ZNF595: variants seen among roughly 807,000 people sequenced by gnomAD.
ZNF595 encodes zinc finger protein 595.
In ZNF595, 9 loss-of-function variants were observed where a neutral mutation model predicts 19.4. The observed-to-expected ratio is 0.46, with a 90% CI of 0.28 to 0.81. The LOEUF (loss-of-function observed/expected upper bound fraction) is 0.81. Ranked by LOEUF, ZNF595 falls within the 30% of genes least tolerant of loss-of-function variation. The probability of loss-of-function intolerance (pLI) is 0.11; values close to 1 mark genes in which losing one functional copy is unlikely to be tolerated. For missense variants in ZNF595, 729 were observed against 736.0 expected, an observed-to-expected ratio of 0.99 and a Z score of 0.11; for synonymous variants, 255 against 255.9, an observed-to-expected ratio of 1.00 and a Z score of 0.03.
intron 3 of ZNF595, among the ~76,000 whole-genome samples, chr4:81,098 C>T (rs546655124): frequency 6.6e-6 from 1 of 152,074 alleles, no homozygotes; most frequent in Non-Finnish European, 1.5e-5. Flanking sequence ...TTTTCTGTTC[C>T]TGTGTTTGTT....
In ZNF595 at chr4:88,046, T is replaced by G. The variant is rs1714313826; in HGVS notation, c.*595T>G. 6.6e-6 allele frequency: 1 copy of G among 152,192 alleles called. No individual in the cohort carries two copies. The highest frequency in any genetic ancestry group is 1.5e-5 in the Non-Finnish European group (1 of 68,040). 9.4% of individuals were successfully genotyped at this position (152,192 alleles called of 1,614,324 possible). On this transcript the variant is annotated 3_prime_UTR_variant, in exon 4 of 4. Transcript: ENST00000610261. ...CTTTAATTATTTTTAAATGTGCAAT[T>G]ATTTTTTTACTACAGGTTATTTTAT...
intron 3 of ZNF595, among the ~76,000 whole-genome samples, chr4:65,260 C>A (rs1368394301): frequency 6.7e-6 from 1 of 148,446 alleles, no homozygotes; most frequent in Non-Finnish European, 1.5e-5. Context: ...ATCTTTGGCA[C>A]CACTGAGGTT....
intron 3 of ZNF595, among the ~76,000 whole-genome samples, chr4:82,929 T>C (rs1236004687): frequency 2.0e-5 from 3 of 152,190 alleles, no homozygotes; most frequent in Admixed American, 6.5e-5. Context: ...TTGAGTATTC[T>C]TTTCTGATTA....
intron 3 of ZNF595, among the ~76,000 whole-genome samples, chr4:66,910 TC>T (rs1326739200): frequency 9.7e-3 from 1,452 of 149,574 alleles, no homozygotes; most frequent in African/African-American, 0.035. Flanking sequence ...GTTTGGGCTA[TC>T]AGTGGTCCTT....
rs114980380 is a variant in ZNF595, at chr4:77,086, C to A, written c.227-8645C>A. Among the ~76,000 whole-genome samples, 705 of 151,870 alleles carry A rather than the reference C, an allele frequency of 4.6e-3. 5 individuals are homozygous for A. Among genetic ancestry groups the A allele is most frequent in the Middle Eastern group, 0.02 (6 of 294 alleles). ...ACATGCTAAAATATGTACATTTTTA[C>A]AGTTTATTATGCAGTATGTGGCCCA... On this transcript the variant is annotated intron_variant, in intron 3 of 3. Transcript: ENST00000610261.
chr4:72,583 G>A (rs1713475706), intron 3 of ZNF595, among the ~76,000 whole-genome samples: 1 of 152,146 alleles, frequency 6.6e-6, no homozygotes, highest in South Asian at 2.1e-4. Context: ...ACTAGGACTT[G>A]ACATTCCTGG....
At chr4:59,996 A>G (rs1712777407) in intron 2 of ZNF595, 62 bp from the exon 3 acceptor site, 1 of 376,678 alleles carries the variant, frequency 2.7e-6, no homozygotes, top group Non-Finnish European at 4.8e-6. Context: ...TTAGCATAGT[A>G]ATAGATTGGT....
Position 86,069 on chromosome 4 carries a change from C to T in ZNF595, c.565C>T (p.Gln189Ter). The part of the protein sequence containing the change: ...GRSFYMSHLT[Q>*]HTGIHAGEKP... ...ATCGTTTTACATGTCACACCTAACT[C>T]AACATACAGGAATTCATGCTGGAGA... Residue 189 changes from glutamine (Q) to a stop codon, truncating the protein, a stop_gained, in exon 4 of 4, where the codon CAA (glutamine) becomes TAA (stop). Transcript: ENST00000610261. LOFTEE classifies it low-confidence loss of function (END_TRUNC). The T allele has an allele frequency of 6.2e-7, 1 of 1,612,810 alleles. No homozygotes were observed.
rs370739143 is a variant in ZNF595, at chr4:85,753, A to G, written c.249A>G (p.Gln83=). The G allele has an allele frequency of 3.8e-6, 6 of 1,586,046 alleles. No homozygotes were observed. Among genetic ancestry groups the G allele is most frequent in the Non-Finnish European group, 5.1e-6 (6 of 1,166,182 alleles). Residue 83 remains glutamine (Q), a synonymous_variant, in exon 4 of 4, where the codon CAA becomes CAG. Coordinates refer to ENST00000610261, the MANE Select transcript of ZNF595 (RefSeq NM_182524.4). ...CAGCTATATGTTCTCCTTTCAGCCAAGACCTTTCACCAGTGCAGGGGATAG... is the reference window on the plus strand; with the variant it reads ...CAGCTATATGTTCTCCTTTCAGCCAGGACCTTTCACCAGTGCAGGGGATAG... ...KPPAICSPFS[Q]DLSPVQGIED...
chr4:76,443 T>C (rs1713663553), intron 3 of ZNF595, among the ~76,000 whole-genome samples: 1 of 152,204 alleles, frequency 6.6e-6, no homozygotes, highest in Admixed American at 6.5e-5. Context: ...TAATACTTTT[T>C]TGTAACTTTT....
intron 3 of ZNF595, among the ~76,000 whole-genome samples, chr4:81,301 A>G (rs782473302): frequency 6.6e-6 from 1 of 152,214 alleles, no homozygotes; most frequent in Non-Finnish European, 1.5e-5. Flanking sequence ...TATTTCCAAT[A>G]TAAGAGTCTC....
chr4:78,671 T>A (rs972355522), intron 3 of ZNF595, among the ~76,000 whole-genome samples: 1 of 152,236 alleles, frequency 6.6e-6, no homozygotes, highest in Non-Finnish European at 1.5e-5. Context: ...TAGATGTAAA[T>A]ATCTAATTGT....
At chr4:74,818 T>C (rs1553798432) in intron 3 of ZNF595, among the ~76,000 whole-genome samples, 1 of 151,978 alleles carries the variant, frequency 6.6e-6, no homozygotes, top group South Asian at 2.1e-4. Context: ...GGCGGAGAGG[T>C]GACTGAATAG....
Position 86,512 on chromosome 4 carries a change from C to G in ZNF595, c.1008C>G (p.Gly336=), listed in dbSNP as rs367545746. 13 of 1,608,752 alleles carry G rather than the reference C, an allele frequency of 8.1e-6. No individual in the cohort carries two copies. The African/African-American group carries it at 1.8e-4, about 22-fold the overall frequency. Residue 336 remains glycine, a synonymous_variant, in exon 4 of 4, where the codon GGC becomes GGG. Transcript: ENST00000610261. ...SLNEHKNIHT[G]EKPYTCEKCG... ...ATGAACATAAAAATATTCATACTGGCGAAAAACCCTACACATGTGAAAAAT... is the reference window on the plus strand; with the variant it reads ...ATGAACATAAAAATATTCATACTGGGGAAAAACCCTACACATGTGAAAAAT...
At position 85,962 on chromosome 4, in the gene ZNF595, T is replaced by G. The variant is rs1714123857; in HGVS notation, c.458T>G (p.Val153Gly). ...TTTCAATGTAATACATGTGTTAAAG[T>G]TTTTAGTAAATTTTCAAATTCAAAC... ...KIFQCNTCVK[V>G]FSKFSNSNKH... The change falls in exon 4 of 4, where the codon GTT (valine) becomes GGT (glycine). Residue 153 changes from valine to glycine, a missense_variant. This residue lies in a region of ZNF595 where 729 missense variants were observed against 675.3 expected (regional missense o/e 1.08). Coordinates refer to ENST00000610261, the MANE Select transcript of ZNF595 (RefSeq NM_182524.4). 3 of 1,609,940 alleles carry G rather than the reference T, an allele frequency of 1.9e-6. No individual in the cohort carries two copies. Among genetic ancestry groups the G allele is most frequent in the East Asian group, 2.2e-5 (1 of 44,782 alleles).
At chr4:76,711 A>G (rs544102789) in intron 3 of ZNF595, among the ~76,000 whole-genome samples, 195 of 151,940 alleles carry the variant, frequency 1.3e-3, no homozygotes, top group Non-Finnish European at 2.1e-3. Context: ...TGTCAGGTAT[A>G]CTCTTCTTCG....
rs782719230 is a variant in ZNF595 at position 86,891 on chromosome 4, C to T, written c.1387C>T (p.Arg463Trp). ...TGAAGAATGTGGCAAAGCCTTTACA[C>T]GGTCCACAACACTGAACGAACATAA... is the stretch of plus-strand genomic sequence containing the variant. The part of the protein sequence containing the change: ...KCEECGKAFT[R>W]STTLNEHKKI... The change falls in exon 4 of 4, where the codon CGG becomes TGG. Residue 463 changes from arginine to tryptophan, a missense_variant. Coordinates refer to ENST00000610261, the MANE Select transcript of ZNF595 (RefSeq NM_182524.4). The T allele has an allele frequency of 3.8e-5, 61 of 1,610,870 alleles. No individual in the cohort carries two copies. Among genetic ancestry groups the T allele is most frequent in the South Asian group, 1.8e-4 (16 of 90,754 alleles).
At chr4:81,464 G>A (rs1553799916) in intron 3 of ZNF595, among the ~76,000 whole-genome samples, 1 of 152,042 alleles carries the variant, frequency 6.6e-6, no homozygotes, top group African/African-American at 2.4e-5. Context: ...GTTTTTCTAT[G>A]TGTGGGAGAC....
At chr4:82,584 A>G (rs1406506147) in intron 3 of ZNF595, among the ~76,000 whole-genome samples, 1 of 151,566 alleles carries the variant, frequency 6.6e-6, no homozygotes, top group African/African-American at 2.4e-5. Flanking sequence ...GGGTTTCTCC[A>G]TGTTGGTCAG....
Sources: allele counts gnomAD v4.1 joint callset (sites outside exome capture counted in the v4.1 genomes callset), GRCh38; gene constraint gnomAD v4.1.1; regional missense constraint gnomAD v4.1.1; transcripts MANE v1.5; gene names NCBI Gene and HGNC (gene_info 2026-07-23, HGNC 2026-07-21).